The following CTTNBP2 variants were observed in gnomAD, a reference collection of about 807,000 sequenced individuals.
CTTNBP2 encodes the protein cortactin-binding protein 2.
In CTTNBP2, 108 loss-of-function variants were observed where a neutral mutation model predicts 156.9. That is an observed-to-expected ratio of 0.69 (90% CI 0.59 to 0.81). The LOEUF (loss-of-function observed/expected upper bound fraction) is 0.81, where lower values mean the gene tolerates loss of function less well. CTTNBP2 is among the 30% of genes least tolerant of loss of function. The pLI, the probability that CTTNBP2 is intolerant of heterozygous loss-of-function variation, is 0.00. For synonymous variants in CTTNBP2, 767 were observed against 751.8 expected (o/e 1.02, Z -0.33); for missense variants, 1,924 against 2,035.4 (o/e 0.95, Z 1.05).
At chr7:117,837,236 C>T (rs1584520198) in intron 2 of CTTNBP2, among the ~76,000 whole-genome samples, 1 of 152,260 alleles carries the variant, frequency 6.6e-6, no homozygotes, top group Admixed American at 6.5e-5. Context: ...CAAAAATTCC[C>T]CTAAGCCATT....
intron 2 of CTTNBP2, among the ~76,000 whole-genome samples, chr7:117,849,422 C>T (rs1802799557): frequency 6.6e-6 from 1 of 152,154 alleles, no homozygotes; most frequent in Non-Finnish European, 1.5e-5. Flanking sequence ...GAAGCTGATG[C>T]TGCAGGTATG....
intron 8 of CTTNBP2, among the ~76,000 whole-genome samples, chr7:117,773,686 CACACACACACACACACACA>C (rs1562992349): frequency 6.7e-6 from 1 of 150,298 alleles, no homozygotes; most frequent in African/African-American, 2.5e-5. Context: ...CACACACACA[CACACACACACACACACACA>C]CACCCCAAAA....
intron 3 of CTTNBP2, among the ~76,000 whole-genome samples, chr7:117,807,013 T>C (rs1452801229): frequency 1.3e-5 from 2 of 152,032 alleles, no homozygotes; most frequent in Non-Finnish European, 2.9e-5. Context: ...CACCTGGACC[T>C]CCCAAAGTGC....
chr7:117,849,105 T>C (rs1359367843), intron 2 of CTTNBP2, among the ~76,000 whole-genome samples: 1 of 152,182 alleles, frequency 6.6e-6, no homozygotes, highest in Admixed American at 6.5e-5. Context: ...TCTCATCAAG[T>C]AGATGGGCAA....
chr7:117,749,779 C>T (rs1303262587), intron 12 of CTTNBP2, among the ~76,000 whole-genome samples: 2 of 151,928 alleles, frequency 1.3e-5, no homozygotes, highest in African/African-American at 4.8e-5. Context: ...TTCAGGTAGG[C>T]CTCACATAAA....
chr7:117,771,536 T>C lies in CTTNBP2; in HGVS notation c.2779-4360A>G, dbSNP rs543370387. Among the ~76,000 whole-genome samples the C allele has an allele frequency of 1.1e-4, 16 of 152,292 alleles. No homozygotes were observed. The East Asian group carries it at 1.4e-3, about 13-fold the overall frequency. On this transcript the variant is annotated intron_variant, in intron 8 of 22. Transcript: ENST00000160373. ...GCTATGCACTTTGCATGCTTTTCCA[T>C]AGGCATGAGGATGTGTTTGGGAAGG...
At chr7:117,757,066 G>A (rs1336086373) in intron 11 of CTTNBP2, among the ~76,000 whole-genome samples, 2 of 152,106 alleles carry the variant, frequency 1.3e-5, no homozygotes, top group African/African-American at 2.4e-5. Flanking sequence ...GGCAATACTC[G>A]CCACCCCTCC....
intron 12 of CTTNBP2, among the ~76,000 whole-genome samples, chr7:117,753,995 C>T (rs1796756891): frequency 6.6e-6 from 1 of 152,198 alleles, no homozygotes; most frequent in African/African-American, 2.4e-5. Flanking sequence ...CATCAATGTG[C>T]CTGTAGTTAT....
chr7:117,869,886 C>T (rs566274080), intron 1 of CTTNBP2, among the ~76,000 whole-genome samples: 2 of 152,178 alleles, frequency 1.3e-5, no homozygotes, highest in African/African-American at 4.8e-5. Context: ...AACTTCCAAG[C>T]TATTTTTCTG....
intron 22 of CTTNBP2, among the ~76,000 whole-genome samples, chr7:117,714,513 A>G (rs552209099): frequency 7.9e-5 from 12 of 152,304 alleles, no homozygotes; most frequent in African/African-American, 2.6e-4. Flanking sequence ...TCAAATCTAC[A>G]GAGTTAATTA....
At chr7:117,808,642 A>G (rs1337295149) in intron 3 of CTTNBP2, among the ~76,000 whole-genome samples, 3 of 152,214 alleles carry the variant, frequency 2.0e-5, no homozygotes, top group Non-Finnish European at 2.9e-5. Flanking sequence ...TAGCTAATGG[A>G]GCCTTTGCTT....
intron 2 of CTTNBP2, among the ~76,000 whole-genome samples, chr7:117,836,508 A>T (rs1385038061): frequency 6.6e-6 from 1 of 152,216 alleles, no homozygotes; most frequent in Non-Finnish European, 1.5e-5. Flanking sequence ...GCTGGCAGTG[A>T]GCTGAGATCG....
At position 117,852,412 on chromosome 7, in the gene CTTNBP2, G is replaced by T. The variant is rs539640909; in HGVS notation, c.189+8797C>A. ...AAAATATGCAAAGATGGTCAGGGTG[G>T]AAAGAGCAGTTCCTTAGTAATTGTG... On this transcript the variant is annotated intron_variant, in intron 2 of 22. Transcript: ENST00000160373. Among the ~76,000 whole-genome samples the T allele has an allele frequency of 2.0e-5, 3 of 152,180 alleles. No individual in the cohort carries two copies. The South Asian group carries it at 6.2e-4, about 32-fold the overall frequency.
chr7:117,842,324 C>T (rs1428031458), intron 2 of CTTNBP2, among the ~76,000 whole-genome samples: 1 of 152,258 alleles, frequency 6.6e-6, no homozygotes, highest in African/African-American at 2.4e-5. Flanking sequence ...CCTCAGCCAC[C>T]TGAATAGCTG....
intron 3 of CTTNBP2, among the ~76,000 whole-genome samples, chr7:117,798,613 G>T (rs1799449838): frequency 1.3e-5 from 2 of 152,094 alleles, no homozygotes; most frequent in Admixed American, 6.6e-5. Flanking sequence ...GGCCGATATG[G>T]CTTTAAATGT....
intron 1 of CTTNBP2, among the ~76,000 whole-genome samples, chr7:117,870,740 A>G (rs895200172): frequency 1.2e-4 from 18 of 152,334 alleles, no homozygotes; most frequent in Non-Finnish European, 1.6e-4. Context: ...ATGGCCTATA[A>G]AAGTCATCAC....
At chr7:117,785,794 C>T (rs148624582) in intron 4 of CTTNBP2, among the ~76,000 whole-genome samples, 2 of 152,298 alleles carry the variant, frequency 1.3e-5, no homozygotes, top group African/African-American at 4.8e-5. Context: ...TAACAATGGT[C>T]ACATGGGCTT....
intron 2 of CTTNBP2, among the ~76,000 whole-genome samples, chr7:117,846,906 G>C (rs919450430): frequency 1.3e-5 from 2 of 151,612 alleles, no homozygotes; most frequent in African/African-American, 4.8e-5. Context: ...CATATTAAAG[G>C]GGCAGCTTAA....
chr7:117,783,333 A>C (rs552753006), intron 5 of CTTNBP2, among the ~76,000 whole-genome samples: 1 of 152,332 alleles, frequency 6.6e-6, no homozygotes, highest in East Asian at 1.9e-4. Context: ...TGGAGAATCA[A>C]ATTCATTTAC....
Sources: allele counts gnomAD v4.1 joint callset (sites outside exome capture counted in the v4.1 genomes callset), GRCh38; gene constraint gnomAD v4.1.1; transcripts MANE v1.5; gene names NCBI Gene and HGNC (gene_info 2026-07-23, HGNC 2026-07-21).